The following FRAS1 variants were observed in gnomAD, a reference collection of about 807,000 sequenced individuals.
The protein encoded by FRAS1 is Fraser extracellular matrix complex subunit 1, also known as extracellular matrix organizing protein FRAS1.
FRAS1 carries 290 observed loss-of-function variants against 435.2 expected under a neutral mutation model. The observed-to-expected ratio is 0.67, with a 90% CI of 0.61 to 0.73. The LOEUF is 0.73. Among genes scored for constraint, FRAS1 ranks in the 30% least tolerant of loss-of-function variants. FRAS1 has a pLI of 0.00. For missense variants in FRAS1, 4,860 were observed against 5,001.5 expected (o/e 0.97, Z 0.85); for synonymous variants, 1,800 against 1,851.0 (o/e 0.97, Z 0.71).
At chr4:78,323,855 A>G (rs1302630614) in intron 18 of FRAS1, among the ~76,000 whole-genome samples, 1 of 152,080 alleles carries the variant, frequency 6.6e-6, no homozygotes, top group African/African-American at 2.4e-5. Context: ...TTTCTTCTAA[A>G]AGGTTTAATT....
intron 19 of FRAS1, among the ~76,000 whole-genome samples, chr4:78,334,793 C>G (rs1257538138): frequency 2.0e-5 from 3 of 151,392 alleles, no homozygotes; most frequent in Non-Finnish European, 4.4e-5. Flanking sequence ...GATTCTCACT[C>G]TGTCACCCAG....
At chr4:78,168,195 A>T (rs1399534499) in intron 2 of FRAS1, among the ~76,000 whole-genome samples, 1 of 151,992 alleles carries the variant, frequency 6.6e-6, no homozygotes, top group African/African-American at 2.4e-5. Context: ...TGCTGAGCAA[A>T]TATAGACTAA....
At chr4:78,154,474 CAT>C (rs1560553147) in intron 2 of FRAS1, among the ~76,000 whole-genome samples, 1 of 152,168 alleles carries the variant, frequency 6.6e-6, no homozygotes, top group African/African-American at 2.4e-5. Context: ...AAGGAACTGT[CAT>C]ATACCCACCA....
At position 78,255,159 on chromosome 4, in the gene FRAS1, G is replaced by A. The variant is rs917641940; in HGVS notation, c.470-83G>A. 3 of 1,388,642 alleles carry A rather than the reference G, an allele frequency of 2.2e-6. No individual in the cohort carries two copies. In the Admixed American group the frequency reaches 5.9e-5, roughly 27 times the overall value. 86.0% of individuals were successfully genotyped at this position (1,388,642 alleles called of 1,614,324 possible). On this transcript the variant is annotated intron_variant, in intron 5 of 73. Transcript: ENST00000512123. ...CTGTGCACTGGGCTTCTGACCAACT[G>A]CACTGGCTGCACGCCCATGCAGTCA...
chr4:78,304,798 C>T (rs1295904979), intron 14 of FRAS1, among the ~76,000 whole-genome samples: 1 of 150,414 alleles, frequency 6.6e-6, no homozygotes, highest in Admixed American at 6.7e-5. Flanking sequence ...TTTGTTGATC[C>T]TTTCAAAAAA....
At chr4:78,250,106 A>C (rs969605968) in intron 4 of FRAS1, among the ~76,000 whole-genome samples, 2 of 152,040 alleles carry the variant, frequency 1.3e-5, no homozygotes, top group Admixed American at 6.6e-5. Flanking sequence ...TATATAAATG[A>C]CTCATTAGAT....
chr4:78,285,434 C>CTT (rs143667746), intron 13 of FRAS1, among the ~76,000 whole-genome samples: 48 of 145,642 alleles, frequency 3.3e-4, no homozygotes, highest in East Asian at 1.0e-3. Flanking sequence ...CTTCCATATT[C>CTT]TTTTTTTTTT....
intron 2 of FRAS1, among the ~76,000 whole-genome samples, chr4:78,177,413 A>G (rs550144630): frequency 6.6e-6 from 1 of 152,182 alleles, no homozygotes; most frequent in Non-Finnish European, 1.5e-5. Flanking sequence ...CCATAGTGGA[A>G]CCTTAATGGT....
intron 18 of FRAS1, among the ~76,000 whole-genome samples, chr4:78,330,115 G>A (rs373916867): frequency 2.6e-5 from 4 of 152,200 alleles, no homozygotes; most frequent in East Asian, 1.9e-4. Context: ...GCAGAAGAAC[G>A]TGGATTGTGA....
chr4:78,500,817 T>C (rs1720654299), intron 61 of FRAS1, among the ~76,000 whole-genome samples: 1 of 152,138 alleles, frequency 6.6e-6, no homozygotes, highest in Non-Finnish European at 1.5e-5. Context: ...GATGGAACTG[T>C]CTTTCACTTT....
intron 9 of FRAS1, among the ~76,000 whole-genome samples, chr4:78,272,763 T>C (rs568757242): frequency 6.6e-6 from 1 of 152,350 alleles, no homozygotes; most frequent in African/African-American, 2.4e-5. Flanking sequence ...CCAGCTTTGT[T>C]CTTTTGACTT....
intron 2 of FRAS1, among the ~76,000 whole-genome samples, chr4:78,135,110 A>G (rs1719867821): frequency 6.6e-6 from 1 of 150,460 alleles, no homozygotes; most frequent in African/African-American, 2.5e-5. Context: ...ATATTACAAA[A>G]GAGAGATAAG....
chr4:78,335,170 T>C (rs1730123458), intron 19 of FRAS1, among the ~76,000 whole-genome samples: 1 of 152,216 alleles, frequency 6.6e-6, no homozygotes. Flanking sequence ...TTGTCAATTA[T>C]TGCCTAATAA....
At chr4:78,417,541 A>G (rs559340757) in intron 32 of FRAS1, among the ~76,000 whole-genome samples, 1 of 152,340 alleles carries the variant, frequency 6.6e-6, no homozygotes, top group South Asian at 2.1e-4. Flanking sequence ...GTTTTATATT[A>G]GGGTGAGAGA....
At position 78,387,502 on chromosome 4, in the gene FRAS1, C is replaced by T; in HGVS notation, c.3776C>T (p.Pro1259Leu). ...PQDVVIEIID[P>L]PLHGQLLQTL... Reference sequence around the variant, plus strand: ...GATGTGGTCATTGAAATAATCGATCCTCCACTTCATGGCCAATTGCTTCAG... The same window carrying T: ...GATGTGGTCATTGAAATAATCGATCTTCCACTTCATGGCCAATTGCTTCAG... Residue 1259 changes from proline (P) to leucine (L), a missense_variant, in exon 29 of 74, where the codon CCT (proline) becomes CTT (leucine). Transcript: ENST00000512123. 6.2e-7 allele frequency: 1 copy of T among 1,613,778 alleles called. No individual in the cohort carries two copies. Among genetic ancestry groups the T allele is most frequent in the Non-Finnish European group, 8.5e-7 (1 of 1,179,820 alleles).
intron 2 of FRAS1, among the ~76,000 whole-genome samples, chr4:78,219,757 C>A (rs1723969566): frequency 6.6e-6 from 1 of 152,030 alleles, no homozygotes; most frequent in Non-Finnish European, 1.5e-5. Context: ...TTTTGTTGGG[C>A]CTATTTTTGC....
At chr4:78,278,059 A>C (rs1283079962) in intron 9 of FRAS1, among the ~76,000 whole-genome samples, 1 of 152,202 alleles carries the variant, frequency 6.6e-6, no homozygotes, top group Non-Finnish European at 1.5e-5. Context: ...TCGGCCTCCC[A>C]AAGTGCTGGG....
At chr4:78,161,768 A>AAAAAAAAAG (rs1553925507) in intron 2 of FRAS1, among the ~76,000 whole-genome samples, 5 of 140,668 alleles carry the variant, frequency 3.6e-5, no homozygotes, top group African/African-American at 1.4e-4. Flanking sequence ...AAAAAAAAAA[A>AAAAAAAAAG]AAAAGAAAAG....
At chr4:78,306,969 C>T (rs1000974158) in intron 14 of FRAS1, among the ~76,000 whole-genome samples, 16 of 152,324 alleles carry the variant, frequency 1.1e-4, no homozygotes, top group South Asian at 6.2e-4. Context: ...AGTTTTTCTG[C>T]TCTGTTTTTT....
Sources: gnomAD v4.1 joint callset for allele counts (sites outside exome capture counted in the v4.1 genomes callset) on GRCh38, gnomAD v4.1.1 for gene constraint, MANE v1.5 for transcripts, NCBI Gene and HGNC (gene_info 2026-07-23, HGNC 2026-07-21) for gene names.